The following ARID1B variants were observed in gnomAD, a reference collection of about 807,000 sequenced individuals.
ARID1B encodes AT-rich interaction domain 1B.
In ARID1B, 30 loss-of-function variants were observed where a neutral mutation model predicts 212.3. The observed-to-expected ratio is 0.14, with a 90% CI of 0.11 to 0.19. The LOEUF (loss-of-function observed/expected upper bound fraction) is 0.19. Among genes scored for constraint, ARID1B ranks in the 10% least tolerant of loss-of-function variants. ARID1B has a pLI of 1.00. For missense variants in ARID1B, 2,891 were observed against 3,204.0 expected (o/e 0.90, Z 2.36); for synonymous variants, 1,402 against 1,301.7 (o/e 1.08, Z -1.66).
At chr6:157,087,230 T>C (rs576610556) in intron 5 of ARID1B, among the ~76,000 whole-genome samples, 197 of 152,306 alleles carry the variant, frequency 1.3e-3, no homozygotes, top group Non-Finnish European at 1.8e-3. Context: ...CTACATGGGG[T>C]TAGATTATAT....
In ARID1B at chr6:156,777,993, G is replaced by A. The variant is rs1212813613; in HGVS notation, c.313G>A (p.Glu105Lys). 13 of 1,531,130 alleles carry A rather than the reference G, an allele frequency of 8.5e-6. No homozygotes were observed. Among genetic ancestry groups the A allele is most frequent in the Non-Finnish European group, 8.7e-6 (10 of 1,144,728 alleles). The allele number at this position is 1,531,130 out of a possible 1,614,324, so 94.8% of individuals were successfully genotyped here. ...GTHSAKSGGS[E>K]AALKEGGSAA... Reference sequence around the variant, plus strand: ...CCACAGCGCCAAGAGCGGCGGCTCCGAGGCGGCTCTCAAGGAGGGTGGAAG... The same window carrying A: ...CCACAGCGCCAAGAGCGGCGGCTCCAAGGCGGCTCTCAAGGAGGGTGGAAG... The change falls in exon 1 of 20, where the codon GAG becomes AAG. Residue 105 changes from glutamate to lysine, a missense_variant. This residue lies in a region of ARID1B where 1,643 missense variants were observed against 1,544.0 expected (regional missense o/e 1.06). Transcript: ENST00000636930.
chr6:157,180,878 G>A, intron 11 of ARID1B, 91 bp from the exon 12 acceptor site: 2 of 1,055,768 alleles, frequency 1.9e-6, no homozygotes, highest in Non-Finnish European at 2.8e-6. Flanking sequence ...TTCTCTTCTT[G>A]TATTTGTTAG....
intron 19 of ARID1B, chr6:157,204,502 T>C (rs1365056965): frequency 2.0e-5 from 3 of 152,654 alleles, no homozygotes; most frequent in Non-Finnish European, 4.4e-5. Flanking sequence ...GAGAGAGCAG[T>C]TTAATGAACC....
intron 1 of ARID1B, among the ~76,000 whole-genome samples, chr6:156,794,249 T>C (rs1251462547): frequency 1.3e-5 from 2 of 152,188 alleles, no homozygotes; most frequent in African/African-American, 2.4e-5. Context: ...CATTCTTTTT[T>C]TTTTCTTTTC....
chr6:156,908,690 A>G (rs982109947), intron 3 of ARID1B, among the ~76,000 whole-genome samples: 74 of 151,744 alleles, frequency 4.9e-4, no homozygotes, highest in African/African-American at 1.8e-3. Flanking sequence ...TCAACTTTTG[A>G]TATGTATCAT....
chr6:156,933,446 C>T (rs1376369022), intron 3 of ARID1B, among the ~76,000 whole-genome samples: 1 of 152,046 alleles, frequency 6.6e-6, no homozygotes. Context: ...TGCAGGGCAC[C>T]CAGCGGGAAG....
At chr6:156,970,163 C>G (rs1452571130) in intron 4 of ARID1B, among the ~76,000 whole-genome samples, 1 of 152,100 alleles carries the variant, frequency 6.6e-6, no homozygotes, top group African/African-American at 2.4e-5. Context: ...TCACTGCAAC[C>G]TGTGCCTCCT....
At chr6:156,829,576 T>G (rs1583118787) in intron 2 of ARID1B, 155 bp downstream of exon 2, 1 of 939,792 alleles carries the variant, frequency 1.1e-6, no homozygotes, top group South Asian at 2.1e-5. Flanking sequence ...GTATAATTTT[T>G]TTTTTCTTTT....
chr6:157,150,521 T>A (rs1376377337), intron 8 of ARID1B: 2 of 158,400 alleles, frequency 1.3e-5, no homozygotes, highest in African/African-American at 4.8e-5. Context: ...ATTGAGAATA[T>A]TACTTTTCTC....
chr6:157,065,681 G>C (rs1395350753), intron 4 of ARID1B, among the ~76,000 whole-genome samples: 1 of 152,166 alleles, frequency 6.6e-6, no homozygotes, highest in East Asian at 1.9e-4. Flanking sequence ...TCTGAGAGCA[G>C]GTCATATTTT....
chr6:156,928,314 A>T (rs754904551), intron 3 of ARID1B, among the ~76,000 whole-genome samples: 5 of 152,184 alleles, frequency 3.3e-5, no homozygotes, highest in Non-Finnish European at 5.9e-5. Flanking sequence ...ATCAGGAGGA[A>T]GGGGATGGAC....
chr6:157,082,058 A>C (rs1784665299), intron 4 of ARID1B, among the ~76,000 whole-genome samples: 2 of 152,094 alleles, frequency 1.3e-5, no homozygotes, highest in South Asian at 4.1e-4. Context: ...GCTATCACCC[A>C]TCCTGGGTTT....
Position 157,178,782 on chromosome 6 carries a change from A to G in ARID1B, c.3505-2187A>G, listed in dbSNP as rs144156444. 5.9e-5 allele frequency among the ~76,000 whole-genome samples: 9 copies of G among 152,348 alleles called. No individual in the cohort carries two copies. In the East Asian group the frequency reaches 1.7e-3, roughly 29 times the overall value. ...ATATAGTCAAACTGTGTCCATCATT[A>G]TCTCAGGCCTATTCCAGCTTGTAAG... is the stretch of plus-strand genomic sequence containing the variant. On this transcript the variant is annotated intron_variant, in intron 11 of 19. Transcript: ENST00000636930.
chr6:156,951,003 T>A (rs114305524), intron 4 of ARID1B, among the ~76,000 whole-genome samples: 2,474 of 152,292 alleles, frequency 0.016, 75 homozygotes, highest in African/African-American at 0.057. Context: ...CTCTATAACT[T>A]AATGATCAAA....
At chr6:157,098,004 T>C (rs1785773917) in intron 5 of ARID1B, among the ~76,000 whole-genome samples, 1 of 152,150 alleles carries the variant, frequency 6.6e-6, no homozygotes, top group Non-Finnish European at 1.5e-5. Flanking sequence ...AGACGATGAA[T>C]ACAAGTCTTT....
At chr6:157,076,001 C>T (rs915061947) in intron 4 of ARID1B, among the ~76,000 whole-genome samples, 1 of 152,172 alleles carries the variant, frequency 6.6e-6, no homozygotes, top group Non-Finnish European at 1.5e-5. Flanking sequence ...CTCTGGTTAA[C>T]AGTGTCGTAG....
At chr6:157,003,127 C>T (rs887940258) in intron 4 of ARID1B, among the ~76,000 whole-genome samples, 2 of 152,190 alleles carry the variant, frequency 1.3e-5, no homozygotes, top group African/African-American at 4.8e-5. Context: ...GGAGGTTAGC[C>T]TTGATCCTAA....
chr6:156,870,208 G>A (rs1786015039), intron 2 of ARID1B: 1 of 152,332 alleles, frequency 6.6e-6, no homozygotes, highest in South Asian at 2.1e-4. Flanking sequence ...GGCCTTGCTA[G>A]TGGAGGTGGC....
intron 4 of ARID1B, among the ~76,000 whole-genome samples, chr6:157,021,808 G>A (rs908008579): frequency 3.3e-5 from 5 of 152,066 alleles, no homozygotes; most frequent in African/African-American, 4.8e-5. Flanking sequence ...TGCTGACACA[G>A]CTTCGCGTAC....
Sources: allele counts gnomAD v4.1 joint callset (sites outside exome capture counted in the v4.1 genomes callset), GRCh38; gene constraint gnomAD v4.1.1; regional missense constraint gnomAD v4.1.1; transcripts MANE v1.5; gene names NCBI Gene and HGNC (gene_info 2026-07-23, HGNC 2026-07-21).